Variants in PKHD1L1 observed in about 807,000 individuals in gnomAD.
The protein encoded by PKHD1L1 is PKHD1 like 1.
A neutral mutation model predicts 462.9 loss-of-function variants in PKHD1L1; 434 were observed. The observed-to-expected ratio is 0.94, with a 90% confidence interval of 0.87 to 1.02. The LOEUF (loss-of-function observed/expected upper bound fraction) is 1.02, where lower values mean the gene tolerates loss of function less well. Among genes scored for constraint, PKHD1L1 ranks in the 50% least tolerant of loss-of-function variants. The pLI is 0.00. For missense variants in PKHD1L1, 5,202 were observed against 5,096.1 expected (o/e 1.02, Z -0.63); for synonymous variants, 1,781 against 1,750.0 (o/e 1.02, Z -0.44).
At chr8:109,480,605 C>T (rs930147687) in intron 55 of PKHD1L1, 4 of 455,408 alleles carry the variant, frequency 8.8e-6, no homozygotes, top group African/African-American at 8.0e-5. Context: ...TCCCCACATT[C>T]CTTGTAAACC....
intron 2 of PKHD1L1, among the ~76,000 whole-genome samples, chr8:109,380,902 T>C (rs1393382683): frequency 1.3e-5 from 2 of 152,192 alleles, no homozygotes; most frequent in African/African-American, 4.8e-5. Context: ...CCTCTTAGCC[T>C]ACCTTTTTCA....
rs1819398854 is a variant in PKHD1L1, at chr8:109,501,290, G to GCACC, written c.10828+2519_10828+2520insCACC. Among the ~76,000 whole-genome samples, 3 of 152,166 alleles carry GCACC rather than the reference G, an allele frequency of 2.0e-5. No homozygotes were observed. The South Asian group carries it at 6.2e-4, about 32-fold the overall frequency. On this transcript the variant is annotated intron_variant, in intron 67 of 77. Transcript: ENST00000378402. ...ATGATTGGAGCAATTCTTCCATGGT[G>GCACC]ATTCCATTGTCTTATGCTCACCCCT...
At position 109,459,637 on chromosome 8, in the gene PKHD1L1, G is replaced by A. The variant is rs1413656653; in HGVS notation, c.7047G>A (p.Val2349=). 1 of 1,593,582 alleles carries A rather than the reference G, an allele frequency of 6.3e-7. No individual in the cohort carries two copies. The highest frequency in any genetic ancestry group is 1.1e-5 in the South Asian group (1 of 87,612). ...GENEKMTIAS[V]SADGINITLS... is the part of the protein sequence containing the mutation. ...ATGAAAAAATGACCATTGCATCTGT[G>A]TCTGCTGATGGCATAAACATAACAC... Residue 2349 remains valine, a synonymous_variant, in exon 47 of 78, where the codon GTG becomes GTA. Transcript: ENST00000378402.
Position 109,362,562 on chromosome 8 carries a change from CCG to C in PKHD1L1, c.-17_-16del. The C allele has an allele frequency of 6.3e-7, 1 of 1,597,490 alleles. No homozygotes were observed. The highest frequency in any genetic ancestry group is 8.5e-7 in the Non-Finnish European group (1 of 1,171,754). On this transcript the variant is annotated 5_prime_UTR_variant, in exon 1 of 78. Transcript: ENST00000378402. ...CAGCTGCGAGCGGAGGGCACCAACT[CCG>C]CAGAACTGGCTTTTCAATGGGACAC...
In PKHD1L1 at chr8:109,408,344, C is replaced by T. The variant is rs1042452329; in HGVS notation, c.1971+138C>T. On this transcript the variant is annotated intron_variant, in intron 18 of 77. Coordinates refer to ENST00000378402, the MANE Select transcript of PKHD1L1 (RefSeq NM_177531.6). ...AATTATTTATCACCTGATCAACTCACCACAATTTATATACTGTGATACTTT... is the reference window on the plus strand; with the variant it reads ...AATTATTTATCACCTGATCAACTCATCACAATTTATATACTGTGATACTTT... 7 of 780,926 alleles carry T rather than the reference C, an allele frequency of 9.0e-6. No homozygotes were observed. The African/African-American group carries it at 1.2e-4, about 14-fold the overall frequency. 48.4% of individuals were successfully genotyped at this position (780,926 alleles called of 1,614,324 possible).
intron 46 of PKHD1L1, among the ~76,000 whole-genome samples, chr8:109,458,554 T>C (rs969135823): frequency 6.6e-6 from 1 of 152,178 alleles, no homozygotes; most frequent in Non-Finnish European, 1.5e-5. Flanking sequence ...TGCAGCGTTG[T>C]TGCTCTGAGC....
At position 109,531,530 on chromosome 8, in the gene PKHD1L1, C is replaced by G. The variant is rs1287676567; in HGVS notation, c.*1440C>G. ...GAGAGAGAGAGAAAGCATGAGGTTG[C>G]TAGCAATATGGAGGCCTTAAGCCTT... is the stretch of plus-strand genomic sequence containing the variant. On this transcript the variant is annotated 3_prime_UTR_variant, in exon 78 of 78. Coordinates refer to ENST00000378402, the MANE Select transcript of PKHD1L1 (RefSeq NM_177531.6). Among the ~76,000 whole-genome samples the G allele has an allele frequency of 6.6e-6, 1 of 151,536 alleles. No homozygotes were observed. Among genetic ancestry groups the G allele is most frequent in the Admixed American group, 6.6e-5 (1 of 15,188 alleles).
intron 41 of PKHD1L1, 113 bp from the exon 42 acceptor site, chr8:109,452,011 A>G: frequency 1.1e-6 from 1 of 913,958 alleles, no homozygotes; most frequent in Middle Eastern, 3.5e-4. Flanking sequence ...TTGGTGGCTG[A>G]TAGAATCAGG....
intron 23 of PKHD1L1, among the ~76,000 whole-genome samples, chr8:109,423,840 G>T (rs1814599840): frequency 6.6e-6 from 1 of 152,028 alleles, no homozygotes; most frequent in African/African-American, 2.4e-5. Context: ...TCGGCATTTT[G>T]CAATTTTCAG....
intron 51 of PKHD1L1, 135 bp downstream of exon 51, chr8:109,475,404 CT>C (rs1164253871): frequency 1.3e-6 from 1 of 753,602 alleles, no homozygotes; most frequent in Non-Finnish European, 2.0e-6. Flanking sequence ...CCTGCACATT[CT>C]TTGTGAGCCA....
chr8:109,420,813 G>A, intron 23 of PKHD1L1, 123 bp downstream of exon 23: 1 of 733,632 alleles, frequency 1.4e-6, no homozygotes, highest in Non-Finnish European at 2.0e-6. Flanking sequence ...AAGGTTATAT[G>A]AAGATTTGGA....
chr8:109,394,473 C>T lies in PKHD1L1; in HGVS notation c.799C>T (p.Gln267Ter), dbSNP rs752378228. 2.0e-6 allele frequency: 3 copies of T among 1,519,510 alleles called. No homozygotes were observed. In the South Asian group the frequency reaches 3.8e-5, roughly 19 times the overall value. 94.1% of individuals were successfully genotyped at this position (1,519,510 alleles called of 1,614,324 possible). ...TTCTCTCAATAAAATTGCAATGTTT[C>T]AAACATATGCAGGTATGTGACTTTT... The part of the protein sequence containing the change: ...VSSLNKIAMF[Q>*]TYAEVTMIFP... The change falls in exon 10 of 78, where the codon CAA becomes TAA. Residue 267 changes from glutamine to a stop codon, truncating the protein, a stop_gained. Transcript: ENST00000378402. LOFTEE classifies it high-confidence loss of function.
chr8:109,491,041 G>GT lies in PKHD1L1; in HGVS notation c.10055dup (p.Phe3353IlefsTer10). On this transcript the variant is annotated frameshift_variant, in exon 61 of 78. Transcript: ENST00000378402. LOFTEE classifies it high-confidence loss of function. ...CCATGGCTTCTCTCCAGCAATTGGT[G>GT]TATTTGGGACAGATGGATTGGACAT... is the stretch of plus-strand genomic sequence containing the variant. 1 of 1,610,146 alleles carries GT rather than the reference G, an allele frequency of 6.2e-7. No homozygotes were observed. The highest frequency in any genetic ancestry group is 8.5e-7 in the Non-Finnish European group (1 of 1,177,112).
chr8:109,532,250 T>A lies in PKHD1L1; in HGVS notation c.*2160T>A, dbSNP rs1821057961. Among the ~76,000 whole-genome samples, 1 of 152,232 alleles carries A rather than the reference T, an allele frequency of 6.6e-6. No individual in the cohort carries two copies. Among genetic ancestry groups the A allele is most frequent in the Non-Finnish European group, 1.5e-5 (1 of 68,026 alleles). On this transcript the variant is annotated 3_prime_UTR_variant, in exon 78 of 78. Transcript: ENST00000378402. ...AATTGCTTCTTAGCCACACAGACTTTGTTAAAAAGTTCCTGTTTTAACTGC... is the reference window on the plus strand; with the variant it reads ...AATTGCTTCTTAGCCACACAGACTTAGTTAAAAAGTTCCTGTTTTAACTGC...
Position 109,498,717 on chromosome 8 carries a change from C to T in PKHD1L1, c.10774C>T (p.Pro3592Ser), listed in dbSNP as rs753416163. 2.5e-6 allele frequency: 4 copies of T among 1,613,950 alleles called. No homozygotes were observed. The highest frequency in any genetic ancestry group is 2.2e-5 in the South Asian group (2 of 91,078). The change falls in exon 67 of 78, where the codon CCC becomes TCC. Residue 3592 changes from proline (P) to serine (S), a missense_variant. Coordinates refer to ENST00000378402, the MANE Select transcript of PKHD1L1 (RefSeq NM_177531.6). The stretch of plus-strand genomic sequence containing the variant: ...AGCTCATAACATGGCACCCCGAAAG[C>T]CCCATGCAGGAATCATGAGTTACAA... ...ASAHNMAPRK[P>S]HAGIMSYNAI...
chr8:109,457,782 T>C (rs961393285), intron 46 of PKHD1L1, among the ~76,000 whole-genome samples: 6 of 152,192 alleles, frequency 3.9e-5, no homozygotes, highest in African/African-American at 1.4e-4. Context: ...TGTGTTTAGG[T>C]ACATACAACA....
intron 17 of PKHD1L1, among the ~76,000 whole-genome samples, chr8:109,407,567 A>T (rs1461500463): frequency 6.6e-6 from 1 of 152,176 alleles, no homozygotes; most frequent in African/African-American, 2.4e-5. Flanking sequence ...AAAGCCAATG[A>T]TTATCATACT....
At chr8:109,443,238 T>C in intron 36 of PKHD1L1, 122 bp downstream of exon 36, 1 of 896,354 alleles carries the variant, frequency 1.1e-6, no homozygotes, top group South Asian at 1.7e-5. Context: ...CACGTGACCT[T>C]GAATAGGTTT....
At chr8:109,481,587 T>G (rs761203054) in intron 56 of PKHD1L1, 25 bp downstream of exon 56, 1 of 1,527,346 alleles carries the variant, frequency 6.5e-7, no homozygotes, top group Non-Finnish European at 8.8e-7. Context: ...ATACCAAAAG[T>G]GTCACATCTG....
Sources: gnomAD v4.1 joint callset for allele counts (sites outside exome capture counted in the v4.1 genomes callset) on GRCh38, gnomAD v4.1.1 for gene constraint, MANE v1.5 for transcripts, NCBI Gene and HGNC (gene_info 2026-07-23, HGNC 2026-07-21) for gene names.